Variants in MAP2 observed in about 807,000 individuals in gnomAD.
MAP2 encodes microtubule associated protein 2.
Under a neutral mutation model 137.6 loss-of-function variants are expected in MAP2, and 14 were observed. That is an observed-to-expected ratio of 0.10 (90% CI 0.07 to 0.16). The LOEUF (loss-of-function observed/expected upper bound fraction) is 0.16, where lower values mean the gene tolerates loss of function less well. Ranked by LOEUF, MAP2 falls within the 10% of genes least tolerant of loss-of-function variation. The probability of loss-of-function intolerance (pLI) is 1.00; values close to 1 mark genes in which losing one functional copy is unlikely to be tolerated. For synonymous variants in MAP2, 786 were observed against 782.3 expected, an observed-to-expected ratio of 1.00 and a Z score of -0.08; for missense variants, 2,088 against 2,191.5, an observed-to-expected ratio of 0.95 and a Z score of 0.94.
At chr2:209,659,742 A>AAAATGCTGATCACAGACCGGGCG in intron 5 of MAP2, among the ~76,000 whole-genome samples, 1 of 152,114 alleles carries the variant, frequency 6.6e-6, no homozygotes, top group East Asian at 1.9e-4. Flanking sequence ...TAAAAAAAAA[A>AAAATGCTGATCACAGACCGGGCG]AAATGCTGAT....
At position 209,693,934 on chromosome 2, in the gene MAP2, A is replaced by T; in HGVS notation, c.1764A>T (p.Pro588=). 6.2e-7 allele frequency: 1 copy of T among 1,613,270 alleles called. No homozygotes were observed. The highest frequency in any genetic ancestry group is 8.5e-7 in the Non-Finnish European group (1 of 1,179,696). Reference sequence around the variant, plus strand: ...AAGAAGCAACAAAAAGCATTGAGCCAGGCAGTGATTACTATGAACTGAGTG... The same window carrying T: ...AAGAAGCAACAAAAAGCATTGAGCCTGGCAGTGATTACTATGAACTGAGTG... ...LKEEATKSIE[P]GSDYYELSDT... Residue 588 remains proline (P), a synonymous_variant, in exon 8 of 16, where the codon CCA becomes CCT. Transcript: ENST00000682079.
chr2:209,568,943 G>A (rs1013964906), intron 2 of MAP2, among the ~76,000 whole-genome samples: 1 of 151,682 alleles, frequency 6.6e-6, no homozygotes, highest in Non-Finnish European at 1.5e-5. Context: ...TGCCTATAGG[G>A]TAGTTGTACC....
At chr2:209,661,910 C>G (rs2043815115) in intron 5 of MAP2, among the ~76,000 whole-genome samples, 1 of 152,056 alleles carries the variant, frequency 6.6e-6, no homozygotes, top group Non-Finnish European at 1.5e-5. Flanking sequence ...TGATATTTTA[C>G]AAATTAGAGG....
chr2:209,443,400 A>G (rs979705768), intron 1 of MAP2, among the ~76,000 whole-genome samples: 1 of 151,688 alleles, frequency 6.6e-6, no homozygotes, highest in African/African-American at 2.4e-5. Flanking sequence ...TTGTTTAACC[A>G]AACAACAATG....
intron 1 of MAP2, among the ~76,000 whole-genome samples, chr2:209,494,776 A>G (rs997658764): frequency 2.6e-5 from 4 of 152,210 alleles, no homozygotes; most frequent in Non-Finnish European, 5.9e-5. Context: ...TTTTTGTCCC[A>G]CTGAAAACAC....
intron 13 of MAP2, among the ~76,000 whole-genome samples, chr2:209,716,500 C>A (rs562093981): frequency 6.6e-6 from 1 of 152,320 alleles, no homozygotes; most frequent in Non-Finnish European, 1.5e-5. Flanking sequence ...AACACAAATT[C>A]ATAAACTTTT....
intron 3 of MAP2, among the ~76,000 whole-genome samples, chr2:209,586,998 C>G (rs930999022): frequency 1.3e-5 from 2 of 152,156 alleles, no homozygotes; most frequent in Non-Finnish European, 2.9e-5. Flanking sequence ...TCCATTAAAT[C>G]AACCCAAATG....
At chr2:209,460,956 C>T (rs1426503717) in intron 1 of MAP2, among the ~76,000 whole-genome samples, 2 of 152,046 alleles carry the variant, frequency 1.3e-5, no homozygotes, top group African/African-American at 2.4e-5. Context: ...ACCATGTTGG[C>T]CAGGCTGCTC....
At chr2:209,520,402 T>G (rs924008386) in intron 2 of MAP2, among the ~76,000 whole-genome samples, 3 of 152,036 alleles carry the variant, frequency 2.0e-5, no homozygotes, top group Non-Finnish European at 4.4e-5. Flanking sequence ...AAATGCATAT[T>G]TTTTTGTGTG....
At chr2:209,445,039 G>T (rs1248279060) in intron 1 of MAP2, among the ~76,000 whole-genome samples, 1 of 151,246 alleles carries the variant, frequency 6.6e-6, no homozygotes, top group Admixed American at 6.6e-5. Context: ...ATTTCCTAAG[G>T]ACTATTTAGT....
chr2:209,661,742 G>A (rs1355104081), intron 5 of MAP2: 2 of 942,464 alleles, frequency 2.1e-6, no homozygotes, highest in African/African-American at 3.6e-5. Context: ...TGGTTGTGGG[G>A]ATTAGCTTCA....
intron 3 of MAP2, among the ~76,000 whole-genome samples, chr2:209,621,351 C>T (rs1427764064): frequency 1.3e-5 from 2 of 149,570 alleles, no homozygotes; most frequent in African/African-American, 4.9e-5. Flanking sequence ...CTCCATCTCC[C>T]GGGTTCAAGT....
At chr2:209,716,732 ATT>A (rs372267112) in intron 13 of MAP2, among the ~76,000 whole-genome samples, 1 of 149,188 alleles carries the variant, frequency 6.7e-6, no homozygotes, top group South Asian at 2.1e-4. Flanking sequence ...TTAGGTACTG[ATT>A]TTTTTTTTGT....
intron 1 of MAP2, among the ~76,000 whole-genome samples, chr2:209,487,475 A>G (rs953989885): frequency 7.9e-5 from 12 of 152,228 alleles, no homozygotes; most frequent in South Asian, 2.1e-4. Context: ...TATTAATCTT[A>G]AAAGCACCCC....
chr2:209,648,161 G>C (rs921422036), intron 4 of MAP2, among the ~76,000 whole-genome samples: 5 of 150,314 alleles, frequency 3.3e-5, no homozygotes, highest in African/African-American at 1.2e-4. Flanking sequence ...GAGTGCAATG[G>C]TGTGATCGCG....
intron 2 of MAP2, 170 bp from the exon 3 acceptor site, chr2:209,579,866 T>C (rs1023227470): frequency 6.6e-6 from 1 of 152,168 alleles, no homozygotes; most frequent in Non-Finnish European, 1.5e-5. Context: ...ATTATTGAGC[T>C]TCCTAAATAT....
intron 5 of MAP2, among the ~76,000 whole-genome samples, chr2:209,659,073 G>A (rs1270861685): frequency 1.3e-5 from 2 of 152,152 alleles, no homozygotes; most frequent in African/African-American, 4.8e-5. Flanking sequence ...TTATTACACA[G>A]TAAGAAAGTG....
At chr2:209,568,475 A>AT (rs1287569941) in intron 2 of MAP2, among the ~76,000 whole-genome samples, 1 of 151,942 alleles carries the variant, frequency 6.6e-6, no homozygotes, top group African/African-American at 2.4e-5. Flanking sequence ...AGATTACTAA[A>AT]TTTAAATGGA....
intron 1 of MAP2, among the ~76,000 whole-genome samples, chr2:209,475,769 A>G (rs1006224897): frequency 6.6e-6 from 1 of 152,188 alleles, no homozygotes; most frequent in Admixed American, 6.5e-5. Flanking sequence ...AACACTATGT[A>G]ATTATGTCAA....
Sources: allele counts gnomAD v4.1 joint callset (sites outside exome capture counted in the v4.1 genomes callset), GRCh38; gene constraint gnomAD v4.1.1; transcripts MANE v1.5; gene names NCBI Gene and HGNC (gene_info 2026-07-23, HGNC 2026-07-21).